Variants in POU6F2 observed in about 807,000 individuals in gnomAD.
POU6F2 encodes the protein POU class 6 homeobox 2.
In POU6F2, 31 loss-of-function variants were observed where a neutral mutation model predicts 71.3. That is an observed-to-expected ratio of 0.43 (90% CI 0.33 to 0.59). The LOEUF (loss-of-function observed/expected upper bound fraction) is 0.59, where lower values mean the gene tolerates loss of function less well. Among genes scored for constraint, POU6F2 ranks in the 20% least tolerant of loss-of-function variants. The pLI, the probability that POU6F2 is intolerant of heterozygous loss-of-function variation, is 0.04. For synonymous variants in POU6F2, 347 were observed against 355.7 expected, an observed-to-expected ratio of 0.98 and a Z score of 0.27; for missense variants, 783 against 856.8, an observed-to-expected ratio of 0.91 and a Z score of 1.07.
At chr7:39,017,072 A>G (rs1451056050) in intron 1 of POU6F2, among the ~76,000 whole-genome samples, 5 of 152,078 alleles carry the variant, frequency 3.3e-5, no homozygotes, top group Admixed American at 3.3e-4. Context: ...CTATTTTATC[A>G]TGTTGTTTTT....
chr7:39,193,604 A>G (rs1793715254), intron 2 of POU6F2, among the ~76,000 whole-genome samples: 1 of 152,178 alleles, frequency 6.6e-6, no homozygotes, highest in African/African-American at 2.4e-5. Context: ...ACATCTGCAA[A>G]ATGGGAATGA....
intron 5 of POU6F2, among the ~76,000 whole-genome samples, chr7:39,403,033 T>C (rs1383355426): frequency 6.6e-6 from 1 of 152,230 alleles, no homozygotes; most frequent in East Asian, 1.9e-4. Context: ...TGTGATATTC[T>C]TTTCATACCC....
Position 39,371,265 on chromosome 7 carries a change from C to T in POU6F2, c.972+31250C>T, listed in dbSNP as rs574533374. 8.6e-5 allele frequency among the ~76,000 whole-genome samples: 13 copies of T among 151,970 alleles called. 1 individual carries two copies. The East Asian group carries it at 1.2e-3, about 14-fold the overall frequency. On this transcript the variant is annotated intron_variant, in intron 5 of 9. Coordinates refer to ENST00000518318, the MANE Select transcript of POU6F2 (RefSeq NM_001370959.1). Reference sequence around the variant, plus strand: ...CACGATCTTGGCTCACTGCAACCTCCGCCTCCCGGGTTCAAGCGATTCTCC... The same window carrying T: ...CACGATCTTGGCTCACTGCAACCTCTGCCTCCCGGGTTCAAGCGATTCTCC...
chr7:39,262,930 C>T (rs1212672470), intron 4 of POU6F2, among the ~76,000 whole-genome samples: 1 of 152,144 alleles, frequency 6.6e-6, no homozygotes, highest in East Asian at 1.9e-4. Context: ...CACCATTTCC[C>T]ATCACTTTTA....
chr7:39,284,435 G>T (rs1456509468), intron 4 of POU6F2, among the ~76,000 whole-genome samples: 2 of 152,162 alleles, frequency 1.3e-5, no homozygotes, highest in African/African-American at 2.4e-5. Flanking sequence ...TTTCTCCAAT[G>T]AATGTGCTGG....
At chr7:39,085,627 T>G in intron 1 of POU6F2, 1 of 406,478 alleles carries the variant, frequency 2.5e-6, no homozygotes, top group East Asian at 3.6e-5. Flanking sequence ...CACATGCTAG[T>G]TGAGCTTTAA....
chr7:39,010,916 C>A (rs1237250191), intron 1 of POU6F2, among the ~76,000 whole-genome samples: 1 of 151,784 alleles, frequency 6.6e-6, no homozygotes, highest in Non-Finnish European at 1.5e-5. Flanking sequence ...TGTTCTTTTA[C>A]ATTTGCTGAG....
In POU6F2 at chr7:39,255,562, G is replaced by C. The variant is rs140564680; in HGVS notation, c.598+47942G>C. The stretch of plus-strand genomic sequence containing the variant: ...TAAATGACTGCAGTCTTAATATTTC[G>C]GGAAATGGAGCAGAATGCAAACTAC... On this transcript the variant is annotated intron_variant, in intron 4 of 9. Coordinates refer to ENST00000518318, the MANE Select transcript of POU6F2 (RefSeq NM_001370959.1). Among the ~76,000 whole-genome samples the C allele has an allele frequency of 2.4e-4, 37 of 152,256 alleles. No individual in the cohort carries two copies. The East Asian group carries it at 5.2e-3, about 21-fold the overall frequency.
intron 2 of POU6F2, among the ~76,000 whole-genome samples, chr7:39,161,082 A>G (rs1260015024): frequency 2.6e-5 from 4 of 152,060 alleles, no homozygotes; most frequent in Non-Finnish European, 4.4e-5. Context: ...GGAGAAGCCA[A>G]TGCACAAGGG....
intron 4 of POU6F2, among the ~76,000 whole-genome samples, chr7:39,273,562 G>A (rs557551061): frequency 6.6e-6 from 1 of 152,330 alleles, no homozygotes; most frequent in East Asian, 1.9e-4. Flanking sequence ...CAGGCCAGAG[G>A]AGACTGGGGA....
In POU6F2 at chr7:39,016,015, T is replaced by G. The variant is rs1229065; in HGVS notation, c.105+37957T>G. On this transcript the variant is annotated intron_variant, in intron 1 of 9. Coordinates refer to ENST00000518318, the MANE Select transcript of POU6F2 (RefSeq NM_001370959.1). ...TAATATATAGATATATATTATATAT[T>G]ATATATATTATATATAGATATATAT... Among the ~76,000 whole-genome samples the G allele has an allele frequency of 3.2e-4, 9 of 28,324 alleles. 1 individual carries two copies. Among genetic ancestry groups the G allele is most frequent in the South Asian group, 1.7e-3 (2 of 1,148 alleles). 18.6% of individuals were successfully genotyped at this position (28,324 alleles called of 152,430 possible). A position where few individuals can be genotyped will look rare whatever the true frequency, so the allele number is the denominator to read the frequency against.
At chr7:39,052,476 CAG>C (rs1328261024) in intron 1 of POU6F2, among the ~76,000 whole-genome samples, 1 of 152,030 alleles carries the variant, frequency 6.6e-6, no homozygotes, top group Non-Finnish European at 1.5e-5. Context: ...TGAATGCAAA[CAG>C]GGGAAATACC....
At chr7:39,036,065 C>G (rs1790056791) in intron 1 of POU6F2, among the ~76,000 whole-genome samples, 2 of 152,090 alleles carry the variant, frequency 1.3e-5, no homozygotes, top group African/African-American at 4.8e-5. Context: ...GAGAGGCGTG[C>G]TGAGAACAGG....
intron 2 of POU6F2, among the ~76,000 whole-genome samples, chr7:39,128,332 A>C (rs1254256431): frequency 1.3e-5 from 2 of 152,218 alleles, no homozygotes; most frequent in East Asian, 3.8e-4. Flanking sequence ...ACTCTGCTAA[A>C]ACAATGCTAT....
At chr7:39,402,812 G>A (rs1022496105) in intron 5 of POU6F2, among the ~76,000 whole-genome samples, 2 of 152,042 alleles carry the variant, frequency 1.3e-5, no homozygotes, top group African/African-American at 4.8e-5. Context: ...TCTAAAAATA[G>A]GGAATAGTTA....
At chr7:39,319,545 C>T (rs1473030219) in intron 4 of POU6F2, among the ~76,000 whole-genome samples, 4 of 152,214 alleles carry the variant, frequency 2.6e-5, no homozygotes, top group Non-Finnish European at 4.4e-5. Context: ...CTCTCAGACA[C>T]AATCTCAGGT....
chr7:39,254,280 A>G (rs541395880), intron 4 of POU6F2, among the ~76,000 whole-genome samples: 2 of 152,258 alleles, frequency 1.3e-5, no homozygotes, highest in East Asian at 1.9e-4. Context: ...AACATTCGCA[A>G]CGGCCTGATA....
chr7:39,451,649 T>G lies in POU6F2; in HGVS notation c.1437T>G (p.Ser479=), dbSNP rs1282435813. 6.2e-7 allele frequency: 1 copy of G among 1,612,092 alleles called. No individual in the cohort carries two copies. The change falls in exon 8 of 10, where the codon TCT becomes TCG. Residue 479 remains serine, a synonymous_variant. Coordinates refer to ENST00000518318, the MANE Select transcript of POU6F2 (RefSeq NM_001370959.1). The part of the protein sequence containing the change: ...SQSPVRQASS[S]SSSSSSSSAL... ...GTCCCGTCCGGCAGGCTTCCTCTTC[T>G]TCCTCCTCATCCTCCTCTTCTTCAG...
chr7:39,126,314 C>T (rs2128728549), intron 2 of POU6F2, among the ~76,000 whole-genome samples: 1 of 152,236 alleles, frequency 6.6e-6, no homozygotes, highest in East Asian at 1.9e-4. Context: ...TAAAAGCCAC[C>T]ACTTGGAGGG....
Sources: allele counts gnomAD v4.1 joint callset (sites outside exome capture counted in the v4.1 genomes callset), GRCh38; gene constraint gnomAD v4.1.1; transcripts MANE v1.5; gene names NCBI Gene and HGNC (gene_info 2026-07-23, HGNC 2026-07-21).